The following SLC4A4 variants were observed in gnomAD, a reference collection of about 807,000 sequenced individuals.
SLC4A4 encodes solute carrier family 4 member 4.
Under a neutral mutation model 111.5 loss-of-function variants are expected in SLC4A4, and 27 were observed. The ratio of observed to expected loss-of-function variants is 0.24; its 90% CI spans 0.18 to 0.33. The LOEUF (loss-of-function observed/expected upper bound fraction) is 0.33. Ranked by LOEUF, SLC4A4 falls within the 10% of genes least tolerant of loss-of-function variation. SLC4A4 has a pLI of 1.00. For missense variants in SLC4A4, 909 were observed against 1,315.5 expected (o/e 0.69, Z 4.78); for synonymous variants, 443 against 463.4 (o/e 0.96, Z 0.57).
Position 71,555,164 on chromosome 4 carries a change from G to A in SLC4A4, c.2719G>A (p.Gly907Ser). ...GTTTATACCCATGCCTGTACTCTAT[G>A]GTGTGTTCCTGTATATGGGAGTAGC... Reference protein sequence around the residue: ...LKFIPMPVLYGVFLYMGVASL... With the variant: ...LKFIPMPVLYSVFLYMGVASL... Residue 907 changes from glycine (G) to serine (S), a missense_variant, in exon 21 of 26, where the codon GGT (glycine) becomes AGT (serine). This residue lies in a region of SLC4A4 where 104 missense variants were observed against 219.5 expected (regional missense o/e 0.47). Coordinates refer to ENST00000264485, the MANE Select transcript of SLC4A4 (RefSeq NM_001098484.3). 1 of 1,609,890 alleles carries A rather than the reference G, an allele frequency of 6.2e-7. No individual in the cohort carries two copies. The highest frequency in any genetic ancestry group is 8.5e-7 in the Non-Finnish European group (1 of 1,176,968).
At chr4:71,144,527 T>A (rs1352976560) in intron 2 of SLC4A4, among the ~76,000 whole-genome samples, 1 of 151,972 alleles carries the variant, frequency 6.6e-6, no homozygotes, top group Non-Finnish European at 1.5e-5. Flanking sequence ...AATCTATAAA[T>A]TACCTTGGGC....
At chr4:71,451,075 C>G (rs1473564692) in intron 10 of SLC4A4, 113 bp from the exon 11 acceptor site, 2 of 744,594 alleles carry the variant, frequency 2.7e-6, no homozygotes, top group Non-Finnish European at 4.8e-6. Flanking sequence ...AAATAACAAT[C>G]TTTCACCTTA....
intron 12 of SLC4A4, among the ~76,000 whole-genome samples, chr4:71,460,079 T>A (rs1420986117): frequency 2.0e-5 from 3 of 152,078 alleles, no homozygotes; most frequent in African/African-American, 7.2e-5. Context: ...TGAGAAATAT[T>A]ACAAAACATA....
At chr4:71,102,287 A>G (rs1425025314) in intron 2 of SLC4A4, among the ~76,000 whole-genome samples, 2 of 149,862 alleles carry the variant, frequency 1.3e-5, no homozygotes, top group Non-Finnish European at 3.0e-5. Flanking sequence ...GACCAAATCT[A>G]CGTCTGATTG....
chr4:71,082,096 A>T (rs1410071010), intron 1 of SLC4A4, among the ~76,000 whole-genome samples: 1 of 151,962 alleles, frequency 6.6e-6, no homozygotes, highest in Non-Finnish European at 1.5e-5. Flanking sequence ...CCACTTAATT[A>T]GTTGTATATA....
At chr4:71,178,551 C>G (rs111519818) in intron 2 of SLC4A4, among the ~76,000 whole-genome samples, 1 of 152,188 alleles carries the variant, frequency 6.6e-6, no homozygotes, top group Non-Finnish European at 1.5e-5. Flanking sequence ...GAAATACAAA[C>G]TACCATCAGA....
At chr4:71,520,435 A>G (rs551325730) in intron 16 of SLC4A4, among the ~76,000 whole-genome samples, 1 of 152,226 alleles carries the variant, frequency 6.6e-6, no homozygotes, top group Non-Finnish European at 1.5e-5. Flanking sequence ...AGTCAAGTAC[A>G]GATTAGTGCT....
intron 1 of SLC4A4, among the ~76,000 whole-genome samples, chr4:71,219,003 A>G (rs1195444439): frequency 2.6e-5 from 4 of 152,220 alleles, no homozygotes. Flanking sequence ...AAGGGACTGT[A>G]TTAGTTTTTG....
At chr4:71,533,741 G>A (rs1036294514) in intron 17 of SLC4A4, among the ~76,000 whole-genome samples, 3 of 151,620 alleles carry the variant, frequency 2.0e-5, no homozygotes, top group East Asian at 3.9e-4. Context: ...GTTAAAATTC[G>A]GCAATAGTAT....
intron 3 of SLC4A4, among the ~76,000 whole-genome samples, chr4:71,330,789 G>A (rs949115245): frequency 1.3e-5 from 2 of 152,044 alleles, no homozygotes; most frequent in African/African-American, 4.8e-5. Context: ...CCATCAGAGT[G>A]AACAGGCAAC....
At chr4:71,382,275 A>G (rs1035429130) in intron 6 of SLC4A4, among the ~76,000 whole-genome samples, 2 of 152,042 alleles carry the variant, frequency 1.3e-5, no homozygotes, top group South Asian at 4.1e-4. Flanking sequence ...GTCCTCTTAT[A>G]TGAGGAAGCA....
At chr4:71,239,659 A>T (rs1229459472) in intron 2 of SLC4A4, among the ~76,000 whole-genome samples, 2 of 152,198 alleles carry the variant, frequency 1.3e-5, no homozygotes, top group African/African-American at 4.8e-5. Flanking sequence ...GAATTTATCT[A>T]TGTGGCATAT....
intron 3 of SLC4A4, among the ~76,000 whole-genome samples, chr4:71,302,556 G>A (rs1273682731): frequency 6.6e-6 from 1 of 152,172 alleles, no homozygotes; most frequent in Admixed American, 6.5e-5. Context: ...TGTGAATCTT[G>A]AACCTAATGG....
intron 1 of SLC4A4, among the ~76,000 whole-genome samples, chr4:71,083,282 T>A (rs920016351): frequency 2.6e-5 from 4 of 152,008 alleles, no homozygotes; most frequent in African/African-American, 9.7e-5. Context: ...TGTTTTTTTT[T>A]TCATTTAAAC....
At chr4:71,560,835 A>G (rs1031765749) in intron 23 of SLC4A4, among the ~76,000 whole-genome samples, 1 of 151,750 alleles carries the variant, frequency 6.6e-6, no homozygotes, top group Non-Finnish European at 1.5e-5. Flanking sequence ...TTTTTACATA[A>G]TTATAGTGGT....
chr4:71,277,225 T>G (rs538203412), intron 3 of SLC4A4, among the ~76,000 whole-genome samples: 1 of 152,230 alleles, frequency 6.6e-6, no homozygotes, highest in East Asian at 1.9e-4. Context: ...CCAAACTGTT[T>G]TTCAGAGTGC....
intron 2 of SLC4A4, among the ~76,000 whole-genome samples, chr4:71,138,306 A>G (rs1234979553): frequency 6.6e-6 from 1 of 152,132 alleles, no homozygotes; most frequent in Non-Finnish European, 1.5e-5. Context: ...ATTAGTTTTC[A>G]GGCCAGGCTC....
intron 18 of SLC4A4, among the ~76,000 whole-genome samples, chr4:71,539,562 A>G (rs1026323982): frequency 8.5e-5 from 13 of 152,054 alleles, no homozygotes; most frequent in Admixed American, 5.9e-4. Context: ...AATGATTGCT[A>G]TTTTTCAAAA....
intron 2 of SLC4A4, among the ~76,000 whole-genome samples, chr4:71,239,336 C>G (rs1047779339): frequency 6.6e-6 from 1 of 152,146 alleles, no homozygotes; most frequent in African/African-American, 2.4e-5. Flanking sequence ...ATTAAAGTAA[C>G]TAAGGTCTGA....
Sources: allele counts gnomAD v4.1 joint callset (sites outside exome capture counted in the v4.1 genomes callset), GRCh38; gene constraint gnomAD v4.1.1; regional missense constraint gnomAD v4.1.1; transcripts MANE v1.5; gene names NCBI Gene and HGNC (gene_info 2026-07-23, HGNC 2026-07-21).